The following TRIO variants were observed in gnomAD, a reference collection of about 807,000 sequenced individuals.
TRIO encodes trio Rho guanine nucleotide exchange factor, also known as triple functional domain protein.
TRIO carries 58 observed loss-of-function variants against 351.9 expected under a neutral mutation model. The ratio of observed to expected loss-of-function variants is 0.16; its 90% CI spans 0.13 to 0.21. The LOEUF is 0.21. TRIO is among the 10% of genes least tolerant of loss of function. The pLI is 1.00. For missense variants in TRIO, 3,201 were observed against 4,027.8 expected (o/e 0.79, Z 5.56); for synonymous variants, 1,758 against 1,595.7 (o/e 1.10, Z -2.42).
intron 8 of TRIO, among the ~76,000 whole-genome samples, chr5:14,307,530 G>A (rs1027820291): frequency 6.6e-6 from 1 of 152,174 alleles, no homozygotes; most frequent in South Asian, 2.1e-4. Context: ...TGCCTTTTTG[G>A]CAGTGCATGT....
chr5:14,403,463 G>GTGTAGGTTGTGGTGAGGT, intron 31 of TRIO, among the ~76,000 whole-genome samples: 1 of 107,882 alleles, frequency 9.3e-6, no homozygotes, highest in Non-Finnish European at 1.9e-5. Context: ...TGTGGTGAGG[G>GTGTAGGTTGTGGTGAGGT]TGCAGGTTGT....
Sources: gnomAD v4.1 joint callset for allele counts (sites outside exome capture counted in the v4.1 genomes callset) on GRCh38, gnomAD v4.1.1 for gene constraint, MANE v1.5 for transcripts, NCBI Gene and HGNC (gene_info 2026-07-23, HGNC 2026-07-21) for gene names.